The following CWC27 variants were observed in gnomAD, a reference collection of about 807,000 sequenced individuals.
CWC27 encodes CWC27 spliceosome associated cyclophilin.
CWC27 carries 47 observed loss-of-function variants against 63.6 expected under a neutral mutation model. That is an observed-to-expected ratio of 0.74 (90% CI 0.58 to 0.94). The LOEUF (loss-of-function observed/expected upper bound fraction) is 0.94. CWC27 is among the 40% of genes least tolerant of loss of function. The probability of loss-of-function intolerance (pLI) is 0.00; values close to 1 mark genes in which losing one functional copy is unlikely to be tolerated. For missense variants in CWC27, 495 were observed against 554.3 expected (o/e 0.89, Z 1.07); for synonymous variants, 175 against 179.8 (o/e 0.97, Z 0.22).
At chr5:64,960,876 T>C (rs113948893) in intron 11 of CWC27, among the ~76,000 whole-genome samples, 1 of 151,750 alleles carries the variant, frequency 6.6e-6, no homozygotes, top group African/African-American at 2.4e-5. Flanking sequence ...GCCTCCTGAG[T>C]AGCTGTGACT....
Position 64,786,574 on chromosome 5 carries a change from G to GA in CWC27, c.552dup (p.Glu185ArgfsTer19). On this transcript the variant is annotated frameshift_variant, in exon 6 of 14. Transcript: ENST00000381070. LOFTEE classifies it high-confidence loss of function. ...TCATTCCAAGGGAAATTAAAAGGCT[G>GA]AAAAAAGAGAAACCAGAGGAGGAAG... The GA allele has an allele frequency of 1.3e-6, 2 of 1,591,604 alleles. No homozygotes were observed. The highest frequency in any genetic ancestry group is 1.7e-6 in the Non-Finnish European group (2 of 1,170,704).
chr5:64,875,691 A>G (rs1340185868), intron 10 of CWC27, among the ~76,000 whole-genome samples: 1 of 152,160 alleles, frequency 6.6e-6, no homozygotes, highest in Non-Finnish European at 1.5e-5. Context: ...TAATCTAAGC[A>G]GTGCCCCAAA....
chr5:64,947,734 A>G lies in CWC27; in HGVS notation c.1043-23969A>G, dbSNP rs189997194. Among the ~76,000 whole-genome samples the G allele has an allele frequency of 3.3e-5, 5 of 152,156 alleles. No individual in the cohort carries two copies. The East Asian group carries it at 9.7e-4, about 29-fold the overall frequency. On this transcript the variant is annotated intron_variant, in intron 11 of 13. Transcript: ENST00000381070. ...GAAGTATCAGACAGAAATATTTCCT[A>G]TGGGCCTCCCCTCTTTGTAGAAAGA... is the stretch of plus-strand genomic sequence containing the variant.
intron 11 of CWC27, among the ~76,000 whole-genome samples, chr5:64,955,280 GAGA>G (rs1415462793): frequency 1.3e-5 from 2 of 152,084 alleles, no homozygotes; most frequent in African/African-American, 4.8e-5. Flanking sequence ...TAACAGTCCT[GAGA>G]AGTAGATTAA....
chr5:64,785,670 T>G, intron 5 of CWC27, 91 bp downstream of exon 5: 2 of 744,728 alleles, frequency 2.7e-6, no homozygotes, highest in East Asian at 5.8e-5. Flanking sequence ...GATTAAGGCT[T>G]TATACTATGT....
At chr5:64,920,740 T>C (rs1747980545) in intron 11 of CWC27, among the ~76,000 whole-genome samples, 1 of 152,238 alleles carries the variant, frequency 6.6e-6, no homozygotes, top group South Asian at 2.1e-4. Flanking sequence ...TTTGTGTCCA[T>C]AGAGGTGTCT....
At chr5:64,973,426 G>C (rs1357656085) in intron 12 of CWC27, among the ~76,000 whole-genome samples, 3 of 152,152 alleles carry the variant, frequency 2.0e-5, no homozygotes, top group Non-Finnish European at 2.9e-5. Flanking sequence ...GCCAAGATTG[G>C]GCTCCTTCAG....
chr5:64,985,238 C>T (rs1468444701), intron 13 of CWC27, among the ~76,000 whole-genome samples: 3 of 151,914 alleles, frequency 2.0e-5, no homozygotes, highest in Non-Finnish European at 1.5e-5. Flanking sequence ...TTCAAAATTG[C>T]TTTGGCTATT....
intron 10 of CWC27, among the ~76,000 whole-genome samples, chr5:64,865,773 A>G (rs548436835): frequency 2.6e-5 from 4 of 152,202 alleles, no homozygotes; most frequent in African/African-American, 9.6e-5. Context: ...TGAGCAAAGA[A>G]GAGTCACGTT....
intron 10 of CWC27, among the ~76,000 whole-genome samples, chr5:64,874,677 G>C (rs1480879808): frequency 6.6e-6 from 1 of 152,064 alleles, no homozygotes; most frequent in Non-Finnish European, 1.5e-5. Flanking sequence ...GTAACTCAGA[G>C]TGTTCAACTA....
At chr5:64,789,777 T>C (rs565976857) in intron 7 of CWC27, among the ~76,000 whole-genome samples, 8 of 152,320 alleles carry the variant, frequency 5.3e-5, no homozygotes, top group East Asian at 1.9e-4. Flanking sequence ...CTAAAGGTTC[T>C]GATATGCCTT....
chr5:64,843,548 GAAATCAGTCCACTTTTTA>G (rs1467862905), intron 10 of CWC27, among the ~76,000 whole-genome samples: 1 of 152,010 alleles, frequency 6.6e-6, no homozygotes, highest in Non-Finnish European at 1.5e-5. Flanking sequence ...GCAGTATCCA[GAAATCAGTCCACTTTTTA>G]TCCTCCACCC....
intron 10 of CWC27, among the ~76,000 whole-genome samples, chr5:64,871,871 TTATC>T (rs1312365356): frequency 6.6e-6 from 1 of 152,086 alleles, no homozygotes; most frequent in Non-Finnish European, 1.5e-5. Context: ...AAAGCACTGT[TTATC>T]TAATTGCTCT....
At chr5:64,852,969 A>G (rs1746171814) in intron 10 of CWC27, among the ~76,000 whole-genome samples, 1 of 152,194 alleles carries the variant, frequency 6.6e-6, no homozygotes, top group Non-Finnish European at 1.5e-5. Context: ...CATTGATTCA[A>G]TGAACTTGCT....
At chr5:64,957,354 A>G (rs759619474) in intron 11 of CWC27, among the ~76,000 whole-genome samples, 2 of 152,130 alleles carry the variant, frequency 1.3e-5, no homozygotes, top group Non-Finnish European at 2.9e-5. Context: ...GCAGGGCAAC[A>G]TGGAAATGTT....
rs780659334 is a variant in CWC27, at chr5:64,774,793, T to A, written c.139+6T>A. The A allele has an allele frequency of 1.3e-4, 195 of 1,498,510 alleles. No homozygotes were observed. Among genetic ancestry groups the A allele is most frequent in the Admixed American group, 2.9e-4 (16 of 54,444 alleles). 92.8% of individuals were successfully genotyped at this position (1,498,510 alleles called of 1,614,324 possible). Reference sequence around the variant, plus strand: ...TATCCAACTTTGTTTGGAAGGTATGTTGACTTTTATTCTACTGGAGAAATT... The same window carrying A: ...TATCCAACTTTGTTTGGAAGGTATGATGACTTTTATTCTACTGGAGAAATT... On this transcript the variant is annotated splice_donor_region_variant and intron_variant, in intron 2 of 13. Transcript: ENST00000381070.
chr5:64,961,026 A>G (rs879412475), intron 11 of CWC27, among the ~76,000 whole-genome samples: 1 of 152,106 alleles, frequency 6.6e-6, no homozygotes, highest in Non-Finnish European at 1.5e-5. Flanking sequence ...CTTTTAATCT[A>G]TACAGTGAAA....
At chr5:65,013,961 T>A (rs939692112) in intron 13 of CWC27, among the ~76,000 whole-genome samples, 1 of 152,124 alleles carries the variant, frequency 6.6e-6, no homozygotes, top group African/African-American at 2.4e-5. Flanking sequence ...TTCCCATTGA[T>A]ACAAATAGCT....
chr5:64,871,699 G>T (rs7700607), intron 10 of CWC27, among the ~76,000 whole-genome samples: 58,170 of 151,784 alleles, frequency 0.38, 11,977 homozygotes, highest in African/African-American at 0.53. Context: ...ATATTGTTCT[G>T]GCTCTAGTTT....
Sources: allele counts gnomAD v4.1 joint callset (sites outside exome capture counted in the v4.1 genomes callset), GRCh38; gene constraint gnomAD v4.1.1; transcripts MANE v1.5; gene names NCBI Gene and HGNC (gene_info 2026-07-23, HGNC 2026-07-21).